Variants in CDK14 observed in about 807,000 individuals in gnomAD.
CDK14 encodes cyclin-dependent kinase 14.
CDK14 carries 34 observed loss-of-function variants against 60.7 expected under a neutral mutation model. The ratio of observed to expected loss-of-function variants is 0.56; its 90% confidence interval spans 0.43 to 0.75. The LOEUF is 0.75. CDK14 is among the 30% of genes least tolerant of loss of function. CDK14 has a pLI of 0.00. For synonymous variants in CDK14, 197 were observed against 203.7 expected (o/e 0.97, Z 0.28); for missense variants, 482 against 564.1 (o/e 0.85, Z 1.47).
At chr7:90,646,634 C>A (rs1274891629) in intron 2 of CDK14, among the ~76,000 whole-genome samples, 1 of 152,114 alleles carries the variant, frequency 6.6e-6, no homozygotes, top group Non-Finnish European at 1.5e-5. Flanking sequence ...TTTTCTTTGC[C>A]TATGGGTCTC....
At chr7:90,995,264 A>G (rs1386580449) in intron 10 of CDK14, among the ~76,000 whole-genome samples, 5 of 152,140 alleles carry the variant, frequency 3.3e-5, no homozygotes, top group Non-Finnish European at 5.9e-5. Flanking sequence ...GGGCCCTCAT[A>G]TCAAGGAACT....
At chr7:91,095,410 G>C (rs1158907479) in intron 12 of CDK14, among the ~76,000 whole-genome samples, 1 of 152,132 alleles carries the variant, frequency 6.6e-6, no homozygotes, top group Non-Finnish European at 1.5e-5. Flanking sequence ...CCAGAGTTTG[G>C]GATTTTCCTT....
intron 2 of CDK14, among the ~76,000 whole-genome samples, chr7:90,657,501 A>G (rs1351975339): frequency 1.3e-5 from 2 of 152,182 alleles, no homozygotes; most frequent in African/African-American, 4.8e-5. Context: ...GTTGGCAGAG[A>G]TGTTCTAGAT....
At chr7:90,637,924 A>C (rs1329867999) in intron 2 of CDK14, among the ~76,000 whole-genome samples, 1 of 148,860 alleles carries the variant, frequency 6.7e-6, no homozygotes, top group Admixed American at 6.8e-5. Context: ...TTGTTGGTTT[A>C]AAGTCTGTTT....
intron 2 of CDK14, among the ~76,000 whole-genome samples, chr7:90,628,976 A>G (rs191623899): frequency 6.6e-6 from 1 of 152,226 alleles, no homozygotes; most frequent in African/African-American, 2.4e-5. Context: ...GAGATCTAGT[A>G]TATGATAGCA....
intron 2 of CDK14, among the ~76,000 whole-genome samples, chr7:90,609,535 A>G (rs1799493768): frequency 6.6e-6 from 1 of 150,914 alleles, no homozygotes. Context: ...AGTGTGTAGC[A>G]CCTCCCCCTT....
intron 6 of CDK14, among the ~76,000 whole-genome samples, chr7:90,864,140 A>G (rs1791100131): frequency 6.6e-6 from 1 of 151,998 alleles, no homozygotes; most frequent in African/African-American, 2.4e-5. Flanking sequence ...AAAAAAAAAA[A>G]GAATGAATAT....
At chr7:90,813,571 A>C (rs769476784) in intron 5 of CDK14, among the ~76,000 whole-genome samples, 16 of 152,240 alleles carry the variant, frequency 1.1e-4, no homozygotes, top group Admixed American at 5.2e-4. Context: ...AACATGGCAA[A>C]ACCCCGTCTC....
chr7:90,879,232 T>C (rs1397714125), intron 6 of CDK14, among the ~76,000 whole-genome samples: 1 of 152,248 alleles, frequency 6.6e-6, no homozygotes, highest in Non-Finnish European at 1.5e-5. Flanking sequence ...ATGCATGTTA[T>C]ATATATGTGT....
chr7:91,174,923 A>C lies in CDK14; in HGVS notation c.*29-32242A>C, dbSNP rs1318274815. On this transcript the variant is annotated intron_variant, in intron 14 of 14. Coordinates refer to ENST00000380050, the MANE Select transcript of CDK14 (RefSeq NM_001287135.2). ...GGAGAACTTCCCCAATCTAGCAAGG[A>C]AGGCCAACATTCAGATTCAGGAAAT... is the stretch of plus-strand genomic sequence containing the variant. Among the ~76,000 whole-genome samples the C allele has an allele frequency of 6.2e-5, 9 of 144,166 alleles. No individual in the cohort carries two copies. In the East Asian group the frequency reaches 1.2e-3, roughly 19 times the overall value. 94.6% of individuals were successfully genotyped at this position (144,166 alleles called of 152,430 possible). A position where few individuals can be genotyped will look rare whatever the true frequency, so the allele number is the denominator to read the frequency against.
rs1801347886 is a variant in CDK14 at position 91,166,447 on chromosome 7, T to A, written c.*29-40718T>A. On this transcript the variant is annotated intron_variant, in intron 14 of 14. Transcript: ENST00000380050. ...TTGAAGTGCCTATTAATTAATTTTTTAAAAAGAAAAACAGCAGCTTATAGC... is the reference window on the plus strand; with the variant it reads ...TTGAAGTGCCTATTAATTAATTTTTAAAAAAGAAAAACAGCAGCTTATAGC... Among the ~76,000 whole-genome samples the A allele has an allele frequency of 3.3e-5, 5 of 152,326 alleles. No homozygotes were observed. The South Asian group carries it at 1.0e-3, about 32-fold the overall frequency.
chr7:90,905,388 T>G (rs994259733), intron 7 of CDK14, among the ~76,000 whole-genome samples: 1 of 152,076 alleles, frequency 6.6e-6, no homozygotes, highest in Non-Finnish European at 1.5e-5. Context: ...AAGAACTAGA[T>G]TATTACTAAC....
chr7:91,198,445 A>G (rs981050119), intron 14 of CDK14, among the ~76,000 whole-genome samples: 1 of 152,234 alleles, frequency 6.6e-6, no homozygotes, highest in Admixed American at 6.5e-5. Context: ...GGAAGATTGT[A>G]CAATAAACAG....
chr7:91,098,312 AT>A (rs1439794614), intron 12 of CDK14, among the ~76,000 whole-genome samples: 1 of 152,118 alleles, frequency 6.6e-6, no homozygotes, highest in Non-Finnish European at 1.5e-5. Flanking sequence ...TGGGAGCATT[AT>A]TTTTGGTGAT....
At chr7:90,660,950 C>T (rs1414931532) in intron 2 of CDK14, among the ~76,000 whole-genome samples, 2 of 152,156 alleles carry the variant, frequency 1.3e-5, no homozygotes, top group East Asian at 3.8e-4. Context: ...TTTTGTGGCC[C>T]AACTGCAAAG....
chr7:90,885,388 A>G (rs1020686511), intron 6 of CDK14, among the ~76,000 whole-genome samples: 1 of 152,238 alleles, frequency 6.6e-6, no homozygotes, highest in African/African-American at 2.4e-5. Flanking sequence ...ATACCATCTC[A>G]TGCCAGTCAG....
intron 10 of CDK14, among the ~76,000 whole-genome samples, chr7:91,001,186 T>C (rs1584217358): frequency 6.6e-6 from 1 of 152,312 alleles, no homozygotes; most frequent in Admixed American, 6.5e-5. Context: ...AATAGGCTTT[T>C]AAATATTGGG....
chr7:90,860,714 G>A (rs953174244), intron 5 of CDK14, among the ~76,000 whole-genome samples: 1 of 151,810 alleles, frequency 6.6e-6, no homozygotes, highest in South Asian at 2.1e-4. Flanking sequence ...TAGTAGAGGC[G>A]GGGTTTCACC....
chr7:90,597,613 C>G (rs926070033), intron 1 of CDK14, among the ~76,000 whole-genome samples: 5 of 152,184 alleles, frequency 3.3e-5, no homozygotes, highest in African/African-American at 1.2e-4. Flanking sequence ...AAGATAACCC[C>G]TGCGAGTCCC....
Sources: gnomAD v4.1 joint callset for allele counts (sites outside exome capture counted in the v4.1 genomes callset) on GRCh38, gnomAD v4.1.1 for gene constraint, MANE v1.5 for transcripts, NCBI Gene and HGNC (gene_info 2026-07-23, HGNC 2026-07-21) for gene names.